The following MICAL2 variants were observed in gnomAD, a reference collection of about 807,000 sequenced individuals.
MICAL2 encodes the protein microtubule associated monooxygenase, calponin and LIM domain containing 2, also known as [F-actin]-monooxygenase MICAL2.
In MICAL2, 77 loss-of-function variants were observed where a neutral mutation model predicts 127.3. The ratio of observed to expected loss-of-function variants is 0.60; its 90% CI spans 0.50 to 0.73. MICAL2 has a LOEUF of 0.73. Among genes scored for constraint, MICAL2 ranks in the 30% least tolerant of loss-of-function variants. MICAL2 has a pLI of 0.00. For missense variants in MICAL2, 1,351 were observed against 1,434.4 expected (o/e 0.94, Z 0.94); for synonymous variants, 570 against 551.1 (o/e 1.03, Z -0.48).
intron 1 of MICAL2, among the ~76,000 whole-genome samples, chr11:12,136,985 T>C (rs547944037): frequency 8.4e-4 from 128 of 152,304 alleles, no homozygotes; most frequent in African/African-American, 3.0e-3. Flanking sequence ...GGACCAATGA[T>C]GGAATTCTGT....
chr11:12,219,528 CAAAAAAAAAAAAAA>C (rs11316414), intron 8 of MICAL2, among the ~76,000 whole-genome samples: 2 of 48,606 alleles, frequency 4.1e-5, no homozygotes, highest in Admixed American at 2.9e-4. Flanking sequence ...AACTCCATCT[CAAAAAAAAAAAAAA>C]AAAAAAAAAA....
intron 15 of MICAL2, among the ~76,000 whole-genome samples, chr11:12,234,206 CGTGG>C (rs1565215656): frequency 6.6e-6 from 1 of 151,986 alleles, no homozygotes; most frequent in Non-Finnish European, 1.5e-5. Context: ...TATAGGCTCC[CGTGG>C]AACAGTCCCA....
At chr11:12,185,657 A>G (rs1858142654) in intron 3 of MICAL2, among the ~76,000 whole-genome samples, 1 of 152,112 alleles carries the variant, frequency 6.6e-6, no homozygotes, top group African/African-American at 2.4e-5. Flanking sequence ...TCAGTGTTTA[A>G]TTCTTAGTTC....
chr11:12,324,625 C>T (rs1256511765), intron 31 of MICAL2, among the ~76,000 whole-genome samples: 1 of 152,186 alleles, frequency 6.6e-6, no homozygotes, highest in Non-Finnish European at 1.5e-5. Flanking sequence ...AGGCATCCTC[C>T]ACCTCTCTGA....
At chr11:12,291,550 C>T (rs1030039006), downstream of MICAL2, among the ~76,000 whole-genome samples, 2 of 151,976 alleles carry the variant, frequency 1.3e-5, no homozygotes, top group Non-Finnish European at 2.9e-5. Context: ...CCAACAGGAG[C>T]TTGGCATGGG....
chr11:12,307,393 A>G (rs1864124698), intron 29 of MICAL2, among the ~76,000 whole-genome samples: 1 of 152,150 alleles, frequency 6.6e-6, no homozygotes, highest in Non-Finnish European at 1.5e-5. Context: ...TTTCATTTTC[A>G]TTACAGTATC....
chr11:12,134,381 G>T (rs1475716607), intron 1 of MICAL2, among the ~76,000 whole-genome samples: 1 of 152,016 alleles, frequency 6.6e-6, no homozygotes, highest in Non-Finnish European at 1.5e-5. Context: ...TCTCATAATG[G>T]GCATGGCTCC....
At chr11:12,293,616 C>T (rs1052132883), downstream of MICAL2, 6 of 1,613,940 alleles carry the variant, frequency 3.7e-6, no homozygotes, top group African/African-American at 8.0e-5. Context: ...AGTCCTCCCA[C>T]CCCAAACTTT....
intron 8 of MICAL2, 52 bp from the exon 9 acceptor site, chr11:12,220,149 G>C: frequency 6.2e-7 from 1 of 1,606,446 alleles, no homozygotes; most frequent in South Asian, 1.1e-5. Flanking sequence ...TGGGTATGAA[G>C]GCTAGCCCTT....
intron 3 of MICAL2, among the ~76,000 whole-genome samples, chr11:12,166,038 A>G (rs1855474070): frequency 6.6e-6 from 1 of 152,214 alleles, no homozygotes; most frequent in Non-Finnish European, 1.5e-5. Flanking sequence ...TTAGGGTAAC[A>G]CCTGACTCGA....
chr11:12,243,856 T>A (rs1393536055), intron 20 of MICAL2, 131 bp from the exon 21 acceptor site: 1 of 1,080,206 alleles, frequency 9.3e-7, no homozygotes, highest in Non-Finnish European at 1.4e-6. Flanking sequence ...GGTTTCTGTG[T>A]TGTCCTGAGA....
intron 32 of MICAL2, among the ~76,000 whole-genome samples, chr11:12,330,078 G>C (rs932319493): frequency 9.2e-5 from 14 of 152,134 alleles, no homozygotes; most frequent in Non-Finnish European, 1.0e-4. Flanking sequence ...AGATCAACAA[G>C]GGGCTGGAGA....
intron 32 of MICAL2, among the ~76,000 whole-genome samples, chr11:12,337,638 A>T (rs1194815093): frequency 1.3e-5 from 2 of 151,754 alleles, no homozygotes; most frequent in Non-Finnish European, 2.9e-5. Flanking sequence ...TGTCCCAGAG[A>T]TTCTGGTATG....
At chr11:12,271,795 C>A (rs1339458113), upstream of MICAL2, among the ~76,000 whole-genome samples, 2 of 152,096 alleles carry the variant, frequency 1.3e-5, no homozygotes, top group Non-Finnish European at 2.9e-5. Context: ...GGCACTGAAC[C>A]CCATAAAACC....
At chr11:12,117,942 G>T (rs1184559187) in intron 1 of MICAL2, among the ~76,000 whole-genome samples, 1 of 152,236 alleles carries the variant, frequency 6.6e-6, no homozygotes, top group African/African-American at 2.4e-5. Context: ...TTCAGGGAAT[G>T]TCCTGTGAGG....
At chr11:12,211,960 C>T (rs1228666516) in intron 6 of MICAL2, among the ~76,000 whole-genome samples, 2 of 152,186 alleles carry the variant, frequency 1.3e-5, no homozygotes, top group Non-Finnish European at 2.9e-5. Flanking sequence ...TCCTCTTAAC[C>T]TCCACCTGGC....
Position 12,239,594 on chromosome 11 carries a change from T to C in MICAL2, c.2214+9T>C, listed in dbSNP as rs1304980337. On this transcript the variant is annotated intron_variant, in intron 17 of 27. Transcript: ENST00000683283. ...CCTCACTCATGAAGCAGGTGAGTCA[T>C]GTCAAATACTCACTGGACCTAACTT... is the stretch of plus-strand genomic sequence containing the variant. The C allele has an allele frequency of 3.1e-6, 5 of 1,613,056 alleles. No individual in the cohort carries two copies. In the African/African-American group the frequency reaches 5.3e-5, roughly 17 times the overall value.
chr11:12,276,309 T>C, intron 1 of MICAL2: 1 of 397,258 alleles, frequency 2.5e-6, no homozygotes, highest in Non-Finnish European at 4.4e-6. Flanking sequence ...GCGACAATCA[T>C]AGTACCCATC....
intron 2 of MICAL2, chr11:12,286,991 G>T (rs1396173197): frequency 7.5e-6 from 3 of 398,096 alleles, no homozygotes; most frequent in Non-Finnish European, 1.3e-5. Context: ...TTGACTTGTG[G>T]TAATTGAGCT....
Sources: allele counts gnomAD v4.1 joint callset (sites outside exome capture counted in the v4.1 genomes callset), GRCh38; gene constraint gnomAD v4.1.1; transcripts MANE v1.5; gene names NCBI Gene and HGNC (gene_info 2026-07-23, HGNC 2026-07-21).